LATS1: variants seen among roughly 807,000 people sequenced by gnomAD.
The protein encoded by LATS1 is serine/threonine-protein kinase LATS1.
LATS1 carries 25 observed loss-of-function variants against 106.6 expected under a neutral mutation model. The observed-to-expected ratio is 0.23, with a 90% CI of 0.17 to 0.33. LATS1 has a LOEUF of 0.33. LATS1 is among the 10% of genes least tolerant of loss of function. The pLI is 1.00. For missense variants in LATS1, 1,040 were observed against 1,382.6 expected (o/e 0.75, Z 3.93); for synonymous variants, 465 against 455.6 (o/e 1.02, Z -0.26).
In LATS1 at chr6:149,683,067, A is replaced by T. The variant is rs2114813294; in HGVS notation, c.2010+12T>A. Reference sequence around the variant, plus strand: ...GATTAAGTATAAAAATGGACATTTTAAAAGGTTTTACCCGCATCATTTCAT... The same window carrying T: ...GATTAAGTATAAAAATGGACATTTTTAAAGGTTTTACCCGCATCATTTCAT... On this transcript the variant is annotated intron_variant, in intron 4 of 7. Coordinates refer to ENST00000543571, the MANE Select transcript of LATS1 (RefSeq NM_004690.4). 6.3e-7 allele frequency: 1 copy of T among 1,591,474 alleles called. No individual in the cohort carries two copies. The highest frequency in any genetic ancestry group is 1.1e-5 in the South Asian group (1 of 87,834).
At position 149,674,031 on chromosome 6, in the gene LATS1, A is replaced by C. The variant is rs969695208; in HGVS notation, c.2883+2229T>G. 6.5e-4 allele frequency among the ~76,000 whole-genome samples: 98 copies of C among 151,794 alleles called. 1 individual carries two copies. Among genetic ancestry groups the C allele is most frequent in the African/African-American group, 2.2e-3 (90 of 41,234 alleles). Reference sequence around the variant, plus strand: ...GACTGAAGAAGTTATAGCTTAAGAAAGGTGGAAATCAAAGAAACGATGGAA... The same window carrying C: ...GACTGAAGAAGTTATAGCTTAAGAACGGTGGAAATCAAAGAAACGATGGAA... On this transcript the variant is annotated intron_variant, in intron 7 of 7. Transcript: ENST00000543571.
At chr6:149,705,065 A>G (rs114093151) in intron 1 of LATS1, among the ~76,000 whole-genome samples, 1 of 151,924 alleles carries the variant, frequency 6.6e-6, no homozygotes, top group Non-Finnish European at 1.5e-5. Context: ...CTCTATTACA[A>G]GCAGCTCACA....
intron 1 of LATS1, among the ~76,000 whole-genome samples, chr6:149,713,406 T>C (rs192017946): frequency 0.011 from 1,634 of 152,006 alleles, 31 homozygotes; most frequent in African/African-American, 0.038. Flanking sequence ...GCAATTCTTC[T>C]GCCTCAGCCT....
At chr6:149,690,961 C>A (rs576244861) in intron 3 of LATS1, among the ~76,000 whole-genome samples, 2 of 151,818 alleles carry the variant, frequency 1.3e-5, no homozygotes, top group Admixed American at 1.3e-4. Flanking sequence ...TGCTAACATC[C>A]TCACTCTCTC....
In LATS1 at chr6:149,702,244, C is replaced by A. The variant is rs1488483192; in HGVS notation, c.-118G>T. On this transcript the variant is annotated 5_prime_UTR_variant, in exon 2 of 8. Coordinates refer to ENST00000543571, the MANE Select transcript of LATS1 (RefSeq NM_004690.4). ...GGAAGTCCCCAGGACTGTTAAAATT[C>A]TTTACAATATAAATAATTAACTCTG... is the stretch of plus-strand genomic sequence containing the variant. The A allele has an allele frequency of 3.3e-6, 2 of 606,130 alleles. No individual in the cohort carries two copies. Among genetic ancestry groups the A allele is most frequent in the Admixed American group, 3.2e-5 (1 of 31,208 alleles). The allele number at this position is 606,130 out of a possible 1,614,324, so 37.5% of individuals were successfully genotyped here. A position where few individuals can be genotyped will look rare whatever the true frequency, so the allele number is the denominator to read the frequency against.
intron 2 of LATS1, among the ~76,000 whole-genome samples, chr6:149,700,073 CCTCT>C (rs536868666): frequency 1.3e-5 from 2 of 152,338 alleles, no homozygotes; most frequent in South Asian, 2.1e-4. Flanking sequence ...CCCTCCTCCT[CCTCT>C]CTCTATTTCC....
chr6:149,683,343 C>T lies in LATS1; in HGVS notation c.1746G>A (p.Glu582=), dbSNP rs1324851056. 4 of 1,614,136 alleles carry T rather than the reference C, an allele frequency of 2.5e-6. No homozygotes were observed. In the South Asian group the frequency reaches 4.4e-5, roughly 18 times the overall value. The change falls in exon 4 of 8, where the codon GAG becomes GAA. Residue 582 remains glutamate, a synonymous_variant. Coordinates refer to ENST00000543571, the MANE Select transcript of LATS1 (RefSeq NM_004690.4). The part of the protein sequence containing the change: ...PYESISKPSK[E]DQPSLPKEDE... ...CTTCCTTGGGCAAGCTTGGCTGATC[C>T]TCTTTGCTAGGCTTACTGATTGACT...
At position 149,658,447 on chromosome 6, in the gene LATS1, C is replaced by CT; in HGVS notation, c.*3281dup. The CT allele has an allele frequency of 6.6e-6, 1 of 152,082 alleles. No homozygotes were observed. The highest frequency in any genetic ancestry group is 1.9e-4 in the East Asian group (1 of 5,198). The allele number at this position is 152,082 out of a possible 1,614,324, so 9.4% of individuals were successfully genotyped here. A position where few individuals can be genotyped will look rare whatever the true frequency, so the allele number is the denominator to read the frequency against. ...TTCCACAAAGGGATATATTAAGGCG[C>CT]TTTACAAATATACCAATATTTTGAC... On this transcript the variant is annotated 3_prime_UTR_variant, in exon 8 of 8. Transcript: ENST00000543571.
chr6:149,693,258 C>G (rs1426452034), intron 3 of LATS1, among the ~76,000 whole-genome samples: 1 of 141,764 alleles, frequency 7.1e-6, no homozygotes, highest in Non-Finnish European at 1.5e-5. Flanking sequence ...GCCTGGGTGA[C>G]AAGACTCTGT....
intron 1 of LATS1, among the ~76,000 whole-genome samples, chr6:149,704,924 AC>A (rs1321118070): frequency 6.7e-6 from 1 of 148,866 alleles, no homozygotes. Context: ...ACACACACAC[AC>A]ACAATTTGCA....
At position 149,676,908 on chromosome 6, in the gene LATS1, T is replaced by C. The variant is rs77749900; in HGVS notation, c.2594-171A>G. On this transcript the variant is annotated intron_variant, in intron 5 of 7. Transcript: ENST00000543571. ...GTGTTTATTACCAATTAGAGCCTAT[T>C]TTCTGAGATGTCAATAGGAAGGATT... 4.7e-3 allele frequency among the ~76,000 whole-genome samples: 719 copies of C among 152,340 alleles called. 7 individuals are homozygous for C. Among genetic ancestry groups the C allele is most frequent in the African/African-American group, 0.017 (704 of 41,582 alleles).
At chr6:149,687,483 G>A (rs929028247) in intron 3 of LATS1, among the ~76,000 whole-genome samples, 7 of 151,712 alleles carry the variant, frequency 4.6e-5, no homozygotes, top group African/African-American at 1.7e-4. Context: ...AGGCTGGAGG[G>A]CAGTGGCATG....
chr6:149,670,180 AAAAAAAAAAAAAAG>A (rs1298218755), intron 7 of LATS1, among the ~76,000 whole-genome samples: 17 of 142,904 alleles, frequency 1.2e-4, no homozygotes, highest in East Asian at 5.9e-4. Flanking sequence ...TCAAAAAAAA[AAAAAAAAAAAAAAG>A]AAAAGAAAAG....
At chr6:149,677,935 G>C (rs1298840399) in intron 5 of LATS1, among the ~76,000 whole-genome samples, 1 of 151,348 alleles carries the variant, frequency 6.6e-6, no homozygotes, top group Non-Finnish European at 1.5e-5. Flanking sequence ...CAGGAGAATC[G>C]CTTGAGCCCA....
intron 3 of LATS1, among the ~76,000 whole-genome samples, chr6:149,689,018 A>C (rs865893373): frequency 2.0e-5 from 3 of 152,122 alleles, no homozygotes; most frequent in Admixed American, 1.3e-4. Context: ...AAATACAAAA[A>C]TTAGCTGGGT....
At position 149,680,223 on chromosome 6, in the gene LATS1, G is replaced by A. The variant is rs747544430; in HGVS notation, c.2245C>T (p.His749Tyr). 2.5e-6 allele frequency: 4 copies of A among 1,614,000 alleles called. No individual in the cohort carries two copies. Among genetic ancestry groups the A allele is most frequent in the Non-Finnish European group, 1.7e-6 (2 of 1,179,936 alleles). ...KDVLLRNQVA[H>Y]VKAERDILAE... is the part of the protein sequence containing the mutation. ...AGGATATCTCTCTCAGCCTTAACAT[G>A]AGCGACTTGATTTCGAAGAAGAACA... The change falls in exon 5 of 8, where the codon CAT becomes TAT. Residue 749 changes from histidine to tyrosine, a missense_variant. His to Tyr is a moderately conservative substitution (Grantham distance 83). Transcript: ENST00000543571.
At chr6:149,688,625 T>C (rs1020375822) in intron 3 of LATS1, among the ~76,000 whole-genome samples, 3 of 152,110 alleles carry the variant, frequency 2.0e-5, no homozygotes, top group African/African-American at 4.8e-5. Flanking sequence ...TAAATATTTA[T>C]TGTGCATCAA....
chr6:149,668,096 T>G (rs1203093870), intron 7 of LATS1, among the ~76,000 whole-genome samples: 1 of 152,140 alleles, frequency 6.6e-6, no homozygotes, highest in African/African-American at 2.4e-5. Flanking sequence ...ATTTTTATAT[T>G]TTAGTAGAGA....
At chr6:149,688,676 G>A (rs1782544418) in intron 3 of LATS1, among the ~76,000 whole-genome samples, 1 of 152,142 alleles carries the variant, frequency 6.6e-6, no homozygotes. Context: ...AATGACATTG[G>A]TAAACAACAG....
Sources: gnomAD v4.1 joint callset for allele counts (sites outside exome capture counted in the v4.1 genomes callset) on GRCh38, gnomAD v4.1.1 for gene constraint, MANE v1.5 for transcripts, NCBI Gene and HGNC (gene_info 2026-07-23, HGNC 2026-07-21) for gene names.